The following PRKCH variants were observed in gnomAD, a reference collection of about 807,000 sequenced individuals.
The protein encoded by PRKCH is protein kinase C eta.
Under a neutral mutation model 82.5 loss-of-function variants are expected in PRKCH, and 28 were observed. The ratio of observed to expected loss-of-function variants is 0.34; its 90% CI spans 0.25 to 0.47. The LOEUF is 0.47. Among genes scored for constraint, PRKCH ranks in the 20% least tolerant of loss-of-function variants. The pLI is 1.00. For synonymous variants in PRKCH, 322 were observed against 327.4 expected, an observed-to-expected ratio of 0.98 and a Z score of 0.18; for missense variants, 705 against 881.8, an observed-to-expected ratio of 0.80 and a Z score of 2.54.
chr14:61,324,267 G>A (rs986093736), intron 1 of PRKCH, among the ~76,000 whole-genome samples: 1 of 152,198 alleles, frequency 6.6e-6, no homozygotes, highest in Non-Finnish European at 1.5e-5. Flanking sequence ...TCCACTGGAT[G>A]AATATTCAGT....
chr14:61,508,165 G>A (rs1051570794), intron 10 of PRKCH, among the ~76,000 whole-genome samples: 2 of 151,724 alleles, frequency 1.3e-5, no homozygotes, highest in Admixed American at 6.6e-5. Context: ...AATTGACATG[G>A]CAATTGACAT....
intron 1 of PRKCH, among the ~76,000 whole-genome samples, chr14:61,199,589 A>C (rs2044464201): frequency 6.6e-6 from 1 of 151,556 alleles, no homozygotes; most frequent in African/African-American, 2.4e-5. Context: ...TTAGAGCAGC[A>C]ACTATGCTTG....
chr14:61,351,325 A>G (rs1196916709), intron 1 of PRKCH, among the ~76,000 whole-genome samples: 1 of 152,178 alleles, frequency 6.6e-6, no homozygotes, highest in Non-Finnish European at 1.5e-5. Flanking sequence ...GCTTCCAGCT[A>G]AGGTCCTGCA....
intron 5 of PRKCH, 44 bp from the exon 6 acceptor site, chr14:61,450,797 TG>T: frequency 6.3e-7 from 1 of 1,597,944 alleles, no homozygotes; most frequent in South Asian, 1.1e-5. Flanking sequence ...CAAAGGACAT[TG>T]GTATGACATT....
chr14:61,547,940 T>C, intron 13 of PRKCH, 54 bp downstream of exon 13: 2 of 1,584,888 alleles, frequency 1.3e-6, no homozygotes, highest in Non-Finnish European at 1.7e-6. Context: ...GTCACAGCAT[T>C]CCACCAAAGT....
chr14:61,210,320 A>C (rs564744800), intron 1 of PRKCH, among the ~76,000 whole-genome samples: 3 of 151,592 alleles, frequency 2.0e-5, no homozygotes, highest in South Asian at 4.2e-4. Flanking sequence ...TCTCAGAAAA[A>C]ATAAATAAAT....
At chr14:61,397,686 T>C (rs140035899) in intron 2 of PRKCH, among the ~76,000 whole-genome samples, 69 of 152,348 alleles carry the variant, frequency 4.5e-4, no homozygotes, top group African/African-American at 1.6e-3. Context: ...TTCACCAGAT[T>C]GTTTACCGTC....
chr14:61,489,346 A>C lies in PRKCH; in HGVS notation c.1433+3690A>C, dbSNP rs544603218. ...TCCAGCAGGTTACAAAGATGATACC[A>C]TATGCAAGTCACTGTTAAAGAAAGC... On this transcript the variant is annotated intron_variant, in intron 10 of 13. Transcript: ENST00000332981. 1.8e-4 allele frequency among the ~76,000 whole-genome samples: 28 copies of C among 152,356 alleles called. No homozygotes were observed. In the South Asian group the frequency reaches 5.2e-3, roughly 28 times the overall value.
At chr14:61,424,472 T>C (rs7154500) in intron 2 of PRKCH, among the ~76,000 whole-genome samples, 4,313 of 152,180 alleles carry the variant, frequency 0.028, 219 homozygotes, top group African/African-American at 0.097. Flanking sequence ...TTCTTGGGAA[T>C]TGGAGTAAAG....
At chr14:61,428,150 A>C (rs1883224326) in intron 2 of PRKCH, among the ~76,000 whole-genome samples, 1 of 143,046 alleles carries the variant, frequency 7.0e-6, no homozygotes, top group South Asian at 2.1e-4. Flanking sequence ...ACACGATGCT[A>C]TACCAGAGTC....
At chr14:61,459,028 C>A (rs576092745) in intron 9 of PRKCH, among the ~76,000 whole-genome samples, 1 of 152,298 alleles carries the variant, frequency 6.6e-6, no homozygotes, top group African/African-American at 2.4e-5. Flanking sequence ...TTCACACCAA[C>A]CTTGATTCAG....
At chr14:61,343,911 C>T (rs1008426071) in intron 1 of PRKCH, among the ~76,000 whole-genome samples, 7 of 152,234 alleles carry the variant, frequency 4.6e-5, no homozygotes, top group African/African-American at 1.7e-4. Flanking sequence ...TTCTTCAGCT[C>T]TGTGCCTCCA....
At chr14:61,315,301 G>C (rs1594905916) in intron 1 of PRKCH, among the ~76,000 whole-genome samples, 3 of 152,208 alleles carry the variant, frequency 2.0e-5, no homozygotes, top group African/African-American at 2.4e-5. Flanking sequence ...GAATCATGCT[G>C]GGATGGAGCT....
intron 9 of PRKCH, among the ~76,000 whole-genome samples, chr14:61,464,160 G>A (rs1463033985): frequency 6.6e-6 from 1 of 152,164 alleles, no homozygotes; most frequent in Non-Finnish European, 1.5e-5. Context: ...TTCCAAATGA[G>A]TATACTAATT....
At chr14:61,388,164 A>G (rs900830912) in intron 1 of PRKCH, among the ~76,000 whole-genome samples, 5 of 151,952 alleles carry the variant, frequency 3.3e-5, no homozygotes, top group African/African-American at 9.7e-5. Flanking sequence ...AAAAAAAAAA[A>G]AAAAGAAAGA....
intron 1 of PRKCH, among the ~76,000 whole-genome samples, chr14:61,360,249 G>A (rs2046205398): frequency 6.6e-6 from 1 of 152,204 alleles, no homozygotes; most frequent in African/African-American, 2.4e-5. Flanking sequence ...TCACGCCCAT[G>A]ATCCCAGCAC....
At chr14:61,505,229 T>C (rs1887083279) in intron 10 of PRKCH, among the ~76,000 whole-genome samples, 1 of 151,984 alleles carries the variant, frequency 6.6e-6, no homozygotes, top group African/African-American at 2.4e-5. Flanking sequence ...AAATTATTTC[T>C]CAGTGCTCTA....
intron 1 of PRKCH, among the ~76,000 whole-genome samples, chr14:61,260,654 T>A (rs2045037479): frequency 6.6e-6 from 1 of 151,868 alleles, no homozygotes; most frequent in Admixed American, 6.6e-5. Context: ...AAAGGATGAT[T>A]TTTTTTCTTA....
At chr14:61,434,528 G>T (rs1883583362) in intron 2 of PRKCH, among the ~76,000 whole-genome samples, 1 of 152,178 alleles carries the variant, frequency 6.6e-6, no homozygotes, top group African/African-American at 2.4e-5. Context: ...AGAGGAAAAT[G>T]AAATATTCAT....
Sources: gnomAD v4.1 joint callset for allele counts (sites outside exome capture counted in the v4.1 genomes callset) on GRCh38, gnomAD v4.1.1 for gene constraint, MANE v1.5 for transcripts, NCBI Gene and HGNC (gene_info 2026-07-23, HGNC 2026-07-21) for gene names.